Variants in DAB1 observed in about 807,000 individuals in gnomAD.
The protein encoded by DAB1 is DAB adaptor protein 1.
A neutral mutation model predicts 64.6 loss-of-function variants in DAB1; 15 were observed. The observed-to-expected ratio is 0.23, with a 90% CI of 0.16 to 0.36. DAB1 has a LOEUF of 0.36. DAB1 is among the 10% of genes least tolerant of loss of function. The pLI is 1.00. For synonymous variants in DAB1, 235 were observed against 251.9 expected, an observed-to-expected ratio of 0.93 and a Z score of 0.64; for missense variants, 596 against 706.7, an observed-to-expected ratio of 0.84 and a Z score of 1.78.
At chr1:58,313,885 G>A (rs969307639) in intron 4 of DAB1, among the ~76,000 whole-genome samples, 3 of 148,024 alleles carry the variant, frequency 2.0e-5, no homozygotes, top group Non-Finnish European at 4.5e-5. Flanking sequence ...GAGAGATAAA[G>A]GCACTAATGA....
intron 6 of DAB1, among the ~76,000 whole-genome samples, chr1:57,804,539 C>T (rs1651275522): frequency 6.6e-6 from 1 of 152,216 alleles, no homozygotes; most frequent in African/African-American, 2.4e-5. Flanking sequence ...CTCTCCAAAA[C>T]AGATGTGTAA....
chr1:57,272,577 T>A, intron 2 of DAB1, among the ~76,000 whole-genome samples: 1 of 152,208 alleles, frequency 6.6e-6, no homozygotes, highest in East Asian at 1.9e-4. Context: ...ACTCCTATCT[T>A]ATGTGTTAGG....
At chr1:57,257,834 C>T (rs927780466) in intron 2 of DAB1, among the ~76,000 whole-genome samples, 1 of 152,168 alleles carries the variant, frequency 6.6e-6, no homozygotes, top group Non-Finnish European at 1.5e-5. Flanking sequence ...CCACTCTGTG[C>T]CTAGTGGTCA....
At chr1:57,410,466 G>A (rs1339587032) in intron 1 of DAB1, among the ~76,000 whole-genome samples, 3 of 152,158 alleles carry the variant, frequency 2.0e-5, no homozygotes, top group Non-Finnish European at 4.4e-5. Context: ...AACAGAATCC[G>A]GTGCTCAAGA....
At chr1:57,282,293 G>A (rs138002328) in intron 2 of DAB1, among the ~76,000 whole-genome samples, 7 of 151,176 alleles carry the variant, frequency 4.6e-5, no homozygotes, top group East Asian at 3.9e-4. Context: ...AGGTGAAATC[G>A]CAGTCTGCAC....
intron 4 of DAB1, among the ~76,000 whole-genome samples, chr1:58,191,040 G>T (rs1017498377): frequency 1.3e-5 from 2 of 152,282 alleles, no homozygotes; most frequent in African/African-American, 4.8e-5. Context: ...AGGGTCCAAG[G>T]CCTGAGTATA....
At chr1:57,217,303 A>T (rs923936220) in intron 2 of DAB1, among the ~76,000 whole-genome samples, 1 of 152,196 alleles carries the variant, frequency 6.6e-6, no homozygotes, top group Non-Finnish European at 1.5e-5. Flanking sequence ...TAAGTTCTGC[A>T]TCAAAGTGTA....
chr1:57,180,214 C>A (rs766658878), intron 2 of DAB1, among the ~76,000 whole-genome samples: 11 of 152,098 alleles, frequency 7.2e-5, no homozygotes, highest in Non-Finnish European at 1.3e-4. Context: ...CTGAGTCTGC[C>A]CTGTGACCCC....
chr1:58,387,244 C>A (rs1644439934), intron 3 of DAB1, among the ~76,000 whole-genome samples: 1 of 152,180 alleles, frequency 6.6e-6, no homozygotes, highest in South Asian at 2.1e-4. Flanking sequence ...CCCCTCCACT[C>A]TCTGAAGGTT....
chr1:57,468,808 T>C (rs1215105504), intron 7 of DAB1, among the ~76,000 whole-genome samples: 1 of 152,202 alleles, frequency 6.6e-6, no homozygotes, highest in Non-Finnish European at 1.5e-5. Flanking sequence ...AAAACCTCCT[T>C]GGAATGCTGA....
At chr1:58,518,892 A>G (rs1235008163) in intron 2 of DAB1, among the ~76,000 whole-genome samples, 1 of 152,176 alleles carries the variant, frequency 6.6e-6, no homozygotes, top group Non-Finnish European at 1.5e-5. Context: ...TAGGTCCAAT[A>G]CTGTTCCTAT....
intron 4 of DAB1, among the ~76,000 whole-genome samples, chr1:58,274,953 A>C (rs1661404640): frequency 7.3e-6 from 1 of 137,402 alleles, no homozygotes; most frequent in African/African-American, 3.0e-5. Context: ...GAAATGCAGA[A>C]ATCACCGGTC....
rs79568975 is a variant in DAB1, at chr1:57,121,016, G to T, written c.306+15527C>A. Among the ~76,000 whole-genome samples the T allele has an allele frequency of 1.1e-4, 17 of 152,032 alleles. No individual in the cohort carries two copies. In the East Asian group the frequency reaches 3.1e-3, roughly 28 times the overall value. On this transcript the variant is annotated intron_variant, in intron 4 of 14. Transcript: ENST00000371236. ...AGTGCCTGAGCTGAGAGGTCTGTAG[G>T]ATAAAGTGGAGTCAGCCAGATAAAG...
At chr1:58,363,623 G>T (rs868153797) in intron 3 of DAB1, among the ~76,000 whole-genome samples, 1 of 152,136 alleles carries the variant, frequency 6.6e-6, no homozygotes, top group African/African-American at 2.4e-5. Context: ...TTATTTGTCC[G>T]CTCCACAGCC....
At chr1:58,457,620 G>A (rs1291437268) in intron 3 of DAB1, among the ~76,000 whole-genome samples, 1 of 152,168 alleles carries the variant, frequency 6.6e-6, no homozygotes, top group Non-Finnish European at 1.5e-5. Flanking sequence ...GACATTTAGG[G>A]CTGCTCTGGC....
chr1:57,976,604 G>A (rs1645926166), intron 5 of DAB1, among the ~76,000 whole-genome samples: 2 of 152,142 alleles, frequency 1.3e-5, no homozygotes. Context: ...TCCTTAAGCG[G>A]GAAGGAGAGG....
chr1:58,207,727 A>C (rs1175141057), intron 4 of DAB1, among the ~76,000 whole-genome samples: 5 of 152,204 alleles, frequency 3.3e-5, no homozygotes, highest in African/African-American at 1.2e-4. Context: ...AAGTGTTTTG[A>C]TATAGGTAGT....
At chr1:58,459,942 C>T (rs1227133035) in intron 3 of DAB1, among the ~76,000 whole-genome samples, 1 of 152,184 alleles carries the variant, frequency 6.6e-6, no homozygotes. Context: ...CATGCCACTG[C>T]ACTCCAGCTG....
At chr1:57,362,321 C>T (rs375988244) in intron 1 of DAB1, among the ~76,000 whole-genome samples, 76 of 144,538 alleles carry the variant, frequency 5.3e-4, no homozygotes, top group African/African-American at 2.0e-3. Flanking sequence ...GCTCAAAAAA[C>T]GTAAATCATT....
Sources: gnomAD v4.1 joint callset for allele counts (sites outside exome capture counted in the v4.1 genomes callset) on GRCh38, gnomAD v4.1.1 for gene constraint, MANE v1.5 for transcripts, NCBI Gene and HGNC (gene_info 2026-07-23, HGNC 2026-07-21) for gene names.